Variants in RP1 observed in about 807,000 individuals in gnomAD.
The protein encoded by RP1 is RP1 axonemal microtubule associated.
RP1 carries 16 observed loss-of-function variants against 14.8 expected under a neutral mutation model. That is an observed-to-expected ratio of 1.08 (90% CI 0.73 to 1.65). The LOEUF (loss-of-function observed/expected upper bound fraction) is 1.65. Among genes scored for constraint, RP1 ranks in the 40% most tolerant of loss-of-function variants. The pLI is 0.00. For missense variants in RP1, 2,631 were observed against 2,535.0 expected (o/e 1.04, Z -0.81); for synonymous variants, 876 against 883.6 (o/e 0.99, Z 0.15).
rs1226063576 is a variant in RP1 at position 54,852,480 on chromosome 8, G to A, written c.3836-94G>A. On this transcript the variant is annotated intron_variant, in intron 25 of 28. Transcript: ENST00000637698. ...TGGGGCCAAGTATCATCAACTAGAT[G>A]AAAGAACATTCTGATTTCCTTGCAG... 5 of 908,056 alleles carry A rather than the reference G, an allele frequency of 5.5e-6. No homozygotes were observed. In the African/African-American group the frequency reaches 8.6e-5, roughly 16 times the overall value. The allele number at this position is 908,056 out of a possible 1,614,324, so 56.2% of individuals were successfully genotyped here. A position where few individuals can be genotyped will look rare whatever the true frequency, so the allele number is the denominator to read the frequency against.
chr8:54,648,549 T>C lies in RP1; in HGVS notation c.788-436T>C, dbSNP rs902163967. On this transcript the variant is annotated intron_variant, in intron 3 of 22. Transcript: ENST00000636932. ...CCAGTTTAAATTCTTAATTATTATATAAATTTTTATTTTGGAAAAAAGACA... is the reference window on the plus strand; with the variant it reads ...CCAGTTTAAATTCTTAATTATTATACAAATTTTTATTTTGGAAAAAAGACA... Among the ~76,000 whole-genome samples the C allele has an allele frequency of 3.3e-5, 5 of 152,140 alleles. No individual in the cohort carries two copies. In the East Asian group the frequency reaches 5.8e-4, roughly 18 times the overall value.
intron 1 of RP1, among the ~76,000 whole-genome samples, chr8:54,570,103 G>A (rs1474139191): frequency 3.3e-5 from 5 of 152,188 alleles, no homozygotes; most frequent in Non-Finnish European, 2.9e-5. Flanking sequence ...TCCTTTGAAC[G>A]TCCCCACGCT....
At chr8:54,619,233 A>C (rs1805799149) in intron 1 of RP1, among the ~76,000 whole-genome samples, 1 of 152,224 alleles carries the variant, frequency 6.6e-6, no homozygotes, top group East Asian at 1.9e-4. Flanking sequence ...CTGATCTTCA[A>C]ATGTTTTTTT....
exon 6 of RP1, chr8:54,656,158 G>A (rs1806750890): frequency 2.0e-6 from 3 of 1,535,538 alleles, no homozygotes; most frequent in Non-Finnish European, 2.6e-6. Context: ...AGATCAAGAG[G>A]ATGGGGAAAT....
At chr8:54,681,665 A>T (rs1020893152) in intron 12 of RP1, among the ~76,000 whole-genome samples, 1 of 151,862 alleles carries the variant, frequency 6.6e-6, no homozygotes, top group Non-Finnish European at 1.5e-5. Flanking sequence ...TCCTCTAGCT[A>T]TTCTTCCTGA....
intron 12 of RP1, among the ~76,000 whole-genome samples, chr8:54,692,120 T>A (rs916965067): frequency 6.6e-6 from 1 of 151,816 alleles, no homozygotes; most frequent in Non-Finnish European, 1.5e-5. Flanking sequence ...TCCAATTTCA[T>A]CCATGTCCCT....
chr8:54,710,792 T>C (rs1211904676), intron 15 of RP1, among the ~76,000 whole-genome samples: 1 of 152,176 alleles, frequency 6.6e-6, no homozygotes, highest in Non-Finnish European at 1.5e-5. Context: ...TTATCCTCTC[T>C]ACCGACTGAG....
At chr8:54,701,945 C>A (rs1306490729) in intron 14 of RP1, among the ~76,000 whole-genome samples, 1 of 152,098 alleles carries the variant, frequency 6.6e-6, no homozygotes, top group Non-Finnish European at 1.5e-5. Flanking sequence ...GAGAACCTTG[C>A]ATTTGGGAGT....
chr8:54,721,294 TCA>T lies in RP1; in HGVS notation c.2389+991_2389+992del, dbSNP rs1470293720. Among the ~76,000 whole-genome samples, 4 of 152,340 alleles carry T rather than the reference TCA, an allele frequency of 2.6e-5. No individual in the cohort carries two copies. The East Asian group carries it at 7.7e-4, about 29-fold the overall frequency. Reference sequence around the variant, plus strand: ...CCACCCTTCATTTTCCTACAGGCTGTCACAGAGTGGCATTCTGCCTTGACACA... The same window carrying T: ...CCACCCTTCATTTTCCTACAGGCTGTCAGAGTGGCATTCTGCCTTGACACA... On this transcript the variant is annotated intron_variant, in intron 16 of 22. Transcript: ENST00000636932.
intron 23 of RP1, among the ~76,000 whole-genome samples, chr8:54,781,719 A>C (rs1379177866): frequency 6.6e-6 from 1 of 152,204 alleles, no homozygotes; most frequent in African/African-American, 2.4e-5. Flanking sequence ...TAGATTTTTA[A>C]AGGATGAAAT....
chr8:54,586,304 G>A (rs1478896961), intron 1 of RP1, among the ~76,000 whole-genome samples: 1 of 152,208 alleles, frequency 6.6e-6, no homozygotes, highest in African/African-American at 2.4e-5. Flanking sequence ...AGAGGCTGCA[G>A]AACAGTGGAT....
At chr8:54,766,383 C>A (rs1809761637) in intron 22 of RP1, among the ~76,000 whole-genome samples, 2 of 151,790 alleles carry the variant, frequency 1.3e-5, no homozygotes, top group African/African-American at 4.8e-5. Flanking sequence ...CTGAAAGAGG[C>A]CACTATTAAT....
At chr8:54,594,871 T>C (rs1251366436) in intron 1 of RP1, among the ~76,000 whole-genome samples, 1 of 152,132 alleles carries the variant, frequency 6.6e-6, no homozygotes, top group African/African-American at 2.4e-5. Flanking sequence ...TTAAAAAATA[T>C]TCTTTAACAG....
chr8:54,828,336 G>A lies in RP1; in HGVS notation c.3616-9114G>A, dbSNP rs1189148128. ...GATGGGGCCTGTGAGAGGTCTTTGG[G>A]TCATCAAAGTGGATCTCTCATGAAT... On this transcript the variant is annotated intron_variant, in intron 24 of 28. Transcript: ENST00000637698. Among the ~76,000 whole-genome samples, 3 of 152,200 alleles carry A rather than the reference G, an allele frequency of 2.0e-5. No homozygotes were observed. In the South Asian group the frequency reaches 6.2e-4, roughly 32 times the overall value.
At position 54,679,494 on chromosome 8, in the gene RP1, C is replaced by G; in HGVS notation, c.1553C>G (p.Ala518Gly). ...GCCAGGGATAACAGTATCTTCTCTG[C>G]GAGTAGGTATCATGTATACACATTT... The change falls in exon 10 of 23, where the codon GCG becomes GGG. Residue 518 changes from alanine (A) to glycine (G), a missense_variant and splice_region_variant. Transcript: ENST00000636932. 2 of 1,535,748 alleles carry G rather than the reference C, an allele frequency of 1.3e-6. No individual in the cohort carries two copies. The highest frequency in any genetic ancestry group is 1.7e-6 in the Non-Finnish European group (2 of 1,146,672).
chr8:54,622,100 A>C lies in RP1; in HGVS notation c.616-17A>C. ...AAAATGTGCTCATCTCAGGATAATG[A>C]CTCTGGTCTCTTTTAGGTTCCCAGC... On this transcript the variant is annotated splice_polypyrimidine_tract_variant and intron_variant, in intron 2 of 3. Coordinates refer to ENST00000220676, the MANE Select transcript of RP1 (RefSeq NM_006269.2). 6.2e-7 allele frequency: 1 copy of C among 1,613,822 alleles called. No homozygotes were observed. The highest frequency in any genetic ancestry group is 8.5e-7 in the Non-Finnish European group (1 of 1,179,830).
chr8:54,606,796 A>C (rs1805456390), intron 1 of RP1, among the ~76,000 whole-genome samples: 1 of 151,788 alleles, frequency 6.6e-6, no homozygotes, highest in Non-Finnish European at 1.5e-5. Context: ...CATTCATTTG[A>C]TCTTCCACCA....
intron 12 of RP1, among the ~76,000 whole-genome samples, chr8:54,681,677 G>T (rs1807435700): frequency 6.6e-6 from 1 of 151,816 alleles, no homozygotes; most frequent in Non-Finnish European, 1.5e-5. Flanking sequence ...TCTTCCTGAT[G>T]CTCTCCCTCC....
intron 19 of RP1, among the ~76,000 whole-genome samples, chr8:54,739,476 T>C: frequency 6.6e-6 from 1 of 151,986 alleles, no homozygotes; most frequent in South Asian, 2.1e-4. Flanking sequence ...TAAACAAATA[T>C]GGTTCATTCT....
Sources: allele counts gnomAD v4.1 joint callset (sites outside exome capture counted in the v4.1 genomes callset), GRCh38; gene constraint gnomAD v4.1.1; transcripts MANE v1.5; gene names NCBI Gene and HGNC (gene_info 2026-07-23, HGNC 2026-07-21).